Variants in MACC1 observed in about 807,000 individuals in gnomAD.
The protein encoded by MACC1 is metastasis-associated in colon cancer protein 1.
MACC1 carries 79 observed loss-of-function variants against 70.7 expected under a neutral mutation model. That is an observed-to-expected ratio of 1.12 (90% confidence interval 0.93 to 1.35). MACC1 has a LOEUF of 1.35. MACC1 is among the 40% of genes most tolerant of loss of function. The pLI, the probability that MACC1 is intolerant of heterozygous loss-of-function variation, is 0.00. For missense variants in MACC1, 1,106 were observed against 978.1 expected (o/e 1.13, Z -1.74); for synonymous variants, 361 against 347.2 (o/e 1.04, Z -0.44).
chr7:20,190,084 C>T (rs1450894033), intron 1 of MACC1, among the ~76,000 whole-genome samples: 2 of 152,272 alleles, frequency 1.3e-5, no homozygotes, highest in East Asian at 3.9e-4. Flanking sequence ...AAGGCTTCAC[C>T]TCCTAATTCT....
At chr7:20,145,932 G>A (rs1781883537) in intron 6 of MACC1, among the ~76,000 whole-genome samples, 1 of 152,170 alleles carries the variant, frequency 6.6e-6, no homozygotes, top group African/African-American at 2.4e-5. Context: ...GGAGGCTGAG[G>A]TGGGTGGATC....
chr7:20,183,898 GGGTTTCACCA>G (rs1782548046), intron 1 of MACC1, among the ~76,000 whole-genome samples: 1 of 151,970 alleles, frequency 6.6e-6, no homozygotes, highest in Non-Finnish European at 1.5e-5. Context: ...AGTAGAGACA[GGGTTTCACCA>G]TATTGGCCAG....
intron 4 of MACC1, 21 bp from the exon 5 acceptor site, chr7:20,160,266 A>G (rs758553097): frequency 1.3e-6 from 2 of 1,520,842 alleles, no homozygotes; most frequent in Non-Finnish European, 1.8e-6. Flanking sequence ...AAGGAAAGAC[A>G]AAGCAAAACA....
rs1006145193 is a variant in MACC1, at chr7:20,135,970, C to T, written c.*4976G>A. ...TGCTATGCCTTACACATAGAGGACA[C>T]AATTTTAATGTGGATAATTGGTATT... On this transcript the variant is annotated 3_prime_UTR_variant, in exon 7 of 7. Coordinates refer to ENST00000400331, the MANE Select transcript of MACC1 (RefSeq NM_182762.4). 6.6e-6 allele frequency: 1 copy of T among 152,174 alleles called. No homozygotes were observed. The highest frequency in any genetic ancestry group is 2.4e-5 in the African/African-American group (1 of 41,438). 9.4% of individuals were successfully genotyped at this position (152,174 alleles called of 1,614,324 possible).
intron 1 of MACC1, among the ~76,000 whole-genome samples, chr7:20,207,839 G>T (rs1282334434): frequency 6.6e-6 from 1 of 152,094 alleles, no homozygotes; most frequent in Non-Finnish European, 1.5e-5. Context: ...AGGTTAACAG[G>T]ATATACACAC....
chr7:20,189,451 G>A (rs1230286305), intron 1 of MACC1, among the ~76,000 whole-genome samples: 2 of 152,138 alleles, frequency 1.3e-5, no homozygotes, highest in Non-Finnish European at 2.9e-5. Flanking sequence ...ATTTCCCCTT[G>A]AAAACTGAGA....
chr7:20,173,088 A>T (rs1284589669), intron 1 of MACC1, among the ~76,000 whole-genome samples: 1 of 152,218 alleles, frequency 6.6e-6, no homozygotes, highest in Non-Finnish European at 1.5e-5. Context: ...AGCTATTTTT[A>T]AAAATACAGA....
chr7:20,166,526 G>A (rs965898960), intron 2 of MACC1, among the ~76,000 whole-genome samples: 7 of 152,094 alleles, frequency 4.6e-5, no homozygotes, highest in Non-Finnish European at 7.4e-5. Flanking sequence ...CCATACACAA[G>A]CATACTTTCT....
chr7:20,197,781 C>T (rs1782777222), intron 1 of MACC1, among the ~76,000 whole-genome samples: 2 of 152,202 alleles, frequency 1.3e-5, no homozygotes, highest in African/African-American at 4.8e-5. Flanking sequence ...AACTCAATTT[C>T]AGGTGAAACA....
intron 1 of MACC1, among the ~76,000 whole-genome samples, chr7:20,191,792 C>G (rs1782677479): frequency 6.6e-6 from 1 of 152,154 alleles, no homozygotes; most frequent in African/African-American, 2.4e-5. Context: ...TGTGCGGTAT[C>G]AGAAACCTAC....
chr7:20,182,020 G>T (rs966279266), intron 1 of MACC1, among the ~76,000 whole-genome samples: 1 of 151,808 alleles, frequency 6.6e-6, no homozygotes, highest in African/African-American at 2.4e-5. Context: ...CATAAAAAAG[G>T]ATGAGTTCAT....
At chr7:20,192,833 C>T (rs148203684) in intron 1 of MACC1, among the ~76,000 whole-genome samples, 18 of 152,246 alleles carry the variant, frequency 1.2e-4, no homozygotes, top group African/African-American at 4.3e-4. Flanking sequence ...ACACGGTACT[C>T]ATGAAGATTC....
chr7:20,158,708 G>T lies in MACC1; in HGVS notation c.1653C>A (p.Ser551Arg), dbSNP rs759672492. Residue 551 changes from serine to arginine, a missense_variant, in exon 5 of 7, where the codon AGC (serine) becomes AGA (arginine). Coordinates refer to ENST00000400331, the MANE Select transcript of MACC1 (RefSeq NM_182762.4). ...CTGCCTTCAGGGTTACCCCATAGTTGCTAAAGTTCAATGTTTTATCTTGAA... is the reference window on the plus strand; with the variant it reads ...CTGCCTTCAGGGTTACCCCATAGTTTCTAAAGTTCAATGTTTTATCTTGAA... Reference protein sequence around the residue: ...PTFQDKTLNFSNYGVTLKAVL... With the variant: ...PTFQDKTLNFRNYGVTLKAVL... 5.6e-6 allele frequency: 9 copies of T among 1,613,798 alleles called. No homozygotes were observed. Among genetic ancestry groups the T allele is most frequent in the Non-Finnish European group, 7.6e-6 (9 of 1,179,988 alleles).
At position 20,137,650 on chromosome 7, in the gene MACC1, AATG is replaced by A. The variant is rs1263440779; in HGVS notation, c.*3293_*3295del. On this transcript the variant is annotated 3_prime_UTR_variant, in exon 7 of 7. Coordinates refer to ENST00000400331, the MANE Select transcript of MACC1 (RefSeq NM_182762.4). ...TAGATTAATGGGATTTGATACTTTT[AATG>A]ATGTCAAAGATGGTATATAAGTGCC... The A allele has an allele frequency of 2.6e-5, 4 of 152,238 alleles. No individual in the cohort carries two copies. The highest frequency in any genetic ancestry group is 5.9e-5 in the Non-Finnish European group (4 of 68,036). 9.4% of individuals were successfully genotyped at this position (152,238 alleles called of 1,614,324 possible).
intron 6 of MACC1, among the ~76,000 whole-genome samples, chr7:20,151,835 CG>C (rs1480326609): frequency 6.6e-6 from 1 of 152,080 alleles, no homozygotes. Context: ...TAACCCTGGC[CG>C]CACCTTCTGA....
chr7:20,146,379 G>A (rs1781891687), intron 6 of MACC1, among the ~76,000 whole-genome samples: 1 of 151,874 alleles, frequency 6.6e-6, no homozygotes, highest in Non-Finnish European at 1.5e-5. Flanking sequence ...TTTATCCAAG[G>A]CAGAGACATA....
Position 20,159,223 on chromosome 7 carries a change from T to C in MACC1, c.1138A>G (p.Ile380Val), listed in dbSNP as rs1782103732. 20 of 1,613,928 alleles carry C rather than the reference T, an allele frequency of 1.2e-5. No individual in the cohort carries two copies. Among genetic ancestry groups the C allele is most frequent in the Non-Finnish European group, 1.7e-5 (20 of 1,179,962 alleles). ...TSIGIYGPKY[I>V]HPSFTVVLTV... ...AAAACAACAGTAAAACTGGGATGGA[T>C]ATATTTGGGTCCATAAATTCCAATT... The change falls in exon 5 of 7, where the codon ATC becomes GTC. Residue 380 changes from isoleucine to valine, a missense_variant. By Grantham distance (29) the Ile-to-Val change is conservative (BLOSUM62 3). Coordinates refer to ENST00000400331, the MANE Select transcript of MACC1 (RefSeq NM_182762.4).
chr7:20,161,226 A>C (rs1166909510), intron 4 of MACC1, among the ~76,000 whole-genome samples: 2 of 152,078 alleles, frequency 1.3e-5, no homozygotes, highest in Admixed American at 1.3e-4. Flanking sequence ...AGTTCTACTG[A>C]AAAAATAATT....
Position 20,207,587 on chromosome 7 carries a change from G to A in MACC1, c.-218+9712C>T, listed in dbSNP as rs78227227. Among the ~76,000 whole-genome samples the A allele has an allele frequency of 6.6e-5, 10 of 152,098 alleles. No individual in the cohort carries two copies. The East Asian group carries it at 1.7e-3, about 26-fold the overall frequency. On this transcript the variant is annotated intron_variant, in intron 1 of 6. Transcript: ENST00000400331. ...CAGATATGTCCTAGGATTTTTGAAC[G>A]ATGTGCAACATAGCGCTATTCACCA...
Sources: gnomAD v4.1 joint callset for allele counts (sites outside exome capture counted in the v4.1 genomes callset) on GRCh38, gnomAD v4.1.1 for gene constraint, MANE v1.5 for transcripts, NCBI Gene and HGNC (gene_info 2026-07-23, HGNC 2026-07-21) for gene names.